The following INTS8 variants were observed in gnomAD, a reference collection of about 807,000 sequenced individuals.
INTS8 encodes the protein integrator complex subunit 8.
In INTS8, 47 loss-of-function variants were observed where a neutral mutation model predicts 138.9. That is an observed-to-expected ratio of 0.34 (90% CI 0.27 to 0.43). The LOEUF (loss-of-function observed/expected upper bound fraction) is 0.43, where lower values mean the gene tolerates loss of function less well. Ranked by LOEUF, INTS8 falls within the 20% of genes least tolerant of loss-of-function variation. INTS8 has a pLI of 1.00. For synonymous variants in INTS8, 392 were observed against 400.9 expected (o/e 0.98, Z 0.27); for missense variants, 996 against 1,173.0 (o/e 0.85, Z 2.20).
In INTS8 at chr8:94,843,995, T is replaced by C. The variant is rs563043015; in HGVS notation, c.1260+1507T>C. ...TTTGAGGTACCTTTTCCAAGTGTTA[T>C]GCCTCTTTTTTTTTTTGAGATAGAG... On this transcript the variant is annotated intron_variant, in intron 10 of 26. Transcript: ENST00000523731. Among the ~76,000 whole-genome samples the C allele has an allele frequency of 3.9e-3, 597 of 151,838 alleles. 3 individuals are homozygous for C. Among genetic ancestry groups the C allele is most frequent in the African/African-American group, 0.014 (580 of 41,440 alleles).
At chr8:94,880,026 G>T (rs1027274361) in intron 26 of INTS8, 92 bp from the exon 27 acceptor site, 2 of 809,990 alleles carry the variant, frequency 2.5e-6, no homozygotes, top group Non-Finnish European at 4.1e-6. Flanking sequence ...AAACTGTATC[G>T]TTGTTAGCAC....
chr8:94,862,107 GT>G (rs996761535), intron 16 of INTS8, among the ~76,000 whole-genome samples: 16 of 150,800 alleles, frequency 1.1e-4, no homozygotes, highest in African/African-American at 1.7e-4. Flanking sequence ...CACCCGGGTA[GT>G]TTTTTTTTGT....
Position 94,832,260 on chromosome 8 carries a change from A to G in INTS8, c.753+86A>G, listed in dbSNP as rs555702010. 37 of 942,744 alleles carry G rather than the reference A, an allele frequency of 3.9e-5. No homozygotes were observed. In the African/African-American group the frequency reaches 4.9e-4, roughly 12 times the overall value. The allele number at this position is 942,744 out of a possible 1,614,324, so 58.4% of individuals were successfully genotyped here. A position where few individuals can be genotyped will look rare whatever the true frequency, so the allele number is the denominator to read the frequency against. On this transcript the variant is annotated intron_variant, in intron 6 of 26. Transcript: ENST00000523731. ...ATCCTCCTATTTTTAATTAGAATTT[A>G]TTTCTGCCTTTGTCTCTTAAGATGC...
At chr8:94,843,415 A>C (rs1815210270) in intron 10 of INTS8, among the ~76,000 whole-genome samples, 1 of 152,130 alleles carries the variant, frequency 6.6e-6, no homozygotes, top group Admixed American at 6.5e-5. Context: ...AAAATACAAA[A>C]AATTAGCCGA....
At chr8:94,873,833 C>G (rs1452938195) in intron 22 of INTS8, 1 of 166,024 alleles carries the variant, frequency 6.0e-6, no homozygotes, top group Non-Finnish European at 1.3e-5. Flanking sequence ...GTAGTTCAAG[C>G]CCAAACCCTG....
At chr8:94,858,243 G>A (rs944151002) in intron 15 of INTS8, among the ~76,000 whole-genome samples, 1 of 152,200 alleles carries the variant, frequency 6.6e-6, no homozygotes, top group Non-Finnish European at 1.5e-5. Context: ...TGATAGTAAT[G>A]TGTCAGAACA....
intron 20 of INTS8, 113 bp downstream of exon 20, chr8:94,867,450 C>T: frequency 1.4e-6 from 1 of 714,168 alleles, no homozygotes; most frequent in Non-Finnish European, 2.4e-6. Context: ...ATCTAAGATT[C>T]TACAGTCTTT....
At chr8:94,872,389 A>G (rs974911863) in intron 21 of INTS8, among the ~76,000 whole-genome samples, 10 of 152,240 alleles carry the variant, frequency 6.6e-5, no homozygotes, top group African/African-American at 2.2e-4. Context: ...ACCCACCACC[A>G]TGCCTGGCTA....
chr8:94,846,367 C>T (rs1227978769), intron 10 of INTS8, among the ~76,000 whole-genome samples: 1 of 152,160 alleles, frequency 6.6e-6, no homozygotes, highest in Non-Finnish European at 1.5e-5. Context: ...CTCTGCATCC[C>T]AGGTTCAAGT....
At chr8:94,853,687 T>C (rs567497253) in intron 13 of INTS8, 118 bp from the exon 14 acceptor site, 1 of 590,410 alleles carries the variant, frequency 1.7e-6, no homozygotes, top group East Asian at 2.8e-5. Flanking sequence ...CCTTTCTCTT[T>C]AAGAGACGAC....
chr8:94,875,017 A>G (rs1816522158), intron 23 of INTS8, among the ~76,000 whole-genome samples: 1 of 152,144 alleles, frequency 6.6e-6, no homozygotes, highest in African/African-American at 2.4e-5. Context: ...GGAATATAAA[A>G]TGGTGTAGCA....
chr8:94,876,225 G>A lies in INTS8; in HGVS notation c.2767G>A (p.Asp923Asn), dbSNP rs1367868488. The A allele has an allele frequency of 6.2e-7, 1 of 1,611,784 alleles. No homozygotes were observed. Among genetic ancestry groups the A allele is most frequent in the Admixed American group, 1.7e-5 (1 of 59,998 alleles). ...FKSLQEQNSHDAMDSYYDYIW... is the reference protein window; with the variant it reads ...FKSLQEQNSHNAMDSYYDYIW... The stretch of plus-strand genomic sequence containing the variant: ...TAACTGAATTCTGTCTTTCAGTCAT[G>A]ATGCTATGGACTCCTACTACGACTA... Residue 923 changes from aspartate to asparagine, a missense_variant, in exon 25 of 27, where the codon GAT becomes AAT. Transcript: ENST00000523731.
intron 14 of INTS8, among the ~76,000 whole-genome samples, chr8:94,856,511 GTTATC>G (rs921454093): frequency 1.9e-4 from 29 of 152,112 alleles, no homozygotes; most frequent in African/African-American, 6.0e-4. Flanking sequence ...GAAGTCTTTG[GTTATC>G]TTATAACTTT....
chr8:94,846,359 CT>C (rs1283375568), intron 10 of INTS8, among the ~76,000 whole-genome samples: 1 of 152,182 alleles, frequency 6.6e-6, no homozygotes, highest in Non-Finnish European at 1.5e-5. Flanking sequence ...GGCGCAACCT[CT>C]GCATCCCAGG....
At chr8:94,851,789 C>T (rs569348089) in intron 13 of INTS8, 103 bp downstream of exon 13, 4 of 908,432 alleles carry the variant, frequency 4.4e-6, no homozygotes, top group African/African-American at 3.6e-5. Flanking sequence ...GGACCTCTTA[C>T]TTAACAGTTT....
At chr8:94,834,984 G>T (rs2131004064) in intron 6 of INTS8, among the ~76,000 whole-genome samples, 1 of 152,264 alleles carries the variant, frequency 6.6e-6, no homozygotes, top group South Asian at 2.1e-4. Flanking sequence ...ATGTGAATGG[G>T]GACTTGAGAA....
intron 6 of INTS8, among the ~76,000 whole-genome samples, chr8:94,834,182 A>T (rs1450757233): frequency 6.6e-6 from 1 of 152,158 alleles, no homozygotes; most frequent in East Asian, 1.9e-4. Flanking sequence ...CAGCTTCATT[A>T]TCAGGCTTTT....
At chr8:94,869,299 A>G (rs1417666648) in intron 20 of INTS8, among the ~76,000 whole-genome samples, 1 of 151,436 alleles carries the variant, frequency 6.6e-6, no homozygotes, top group Non-Finnish European at 1.5e-5. Context: ...GCATTTTTTA[A>G]TTGGTGGTTT....
At chr8:94,861,057 A>AAAAG (rs1491221559) in intron 16 of INTS8, among the ~76,000 whole-genome samples, 5 of 104,652 alleles carry the variant, frequency 4.8e-5, no homozygotes, top group Non-Finnish European at 6.2e-5. Flanking sequence ...ACTCTGTCTC[A>AAAAG]AAAAAAAAAA....
Sources: allele counts gnomAD v4.1 joint callset (sites outside exome capture counted in the v4.1 genomes callset), GRCh38; gene constraint gnomAD v4.1.1; transcripts MANE v1.5; gene names NCBI Gene and HGNC (gene_info 2026-07-23, HGNC 2026-07-21).